KCNMB4: variants seen among roughly 807,000 people sequenced by gnomAD.
KCNMB4 encodes potassium calcium-activated channel subfamily M regulatory beta subunit 4, also known as calcium-activated potassium channel subunit beta-4.
In KCNMB4, 3 loss-of-function variants were observed where a neutral mutation model predicts 20.7. The observed-to-expected ratio is 0.14, with a 90% CI of 0.07 to 0.37. The LOEUF is 0.37. Among genes scored for constraint, KCNMB4 ranks in the 10% least tolerant of loss-of-function variants. The pLI is 1.00. For synonymous variants in KCNMB4, 110 were observed against 113.4 expected, an observed-to-expected ratio of 0.97 and a Z score of 0.19; for missense variants, 168 against 265.9, an observed-to-expected ratio of 0.63 and a Z score of 2.56.
chr12:70,430,545 C>G lies in KCNMB4; in HGVS notation c.525C>G (p.Leu175=). Residue 175 remains leucine, a synonymous_variant, in exon 3 of 3, where the codon CTC becomes CTG. Coordinates refer to ENST00000258111, the MANE Select transcript of KCNMB4 (RefSeq NM_014505.6). ...AGATTGTCCTCCTGCATTGCTTCCT[C>G]TGGCCCCTGGTGACATTTGTGGTGG... is the stretch of plus-strand genomic sequence containing the variant. ...HDEIVLLHCF[L]WPLVTFVVGV... 6.2e-7 allele frequency: 1 copy of G among 1,613,972 alleles called. No homozygotes were observed.
At chr12:70,397,066 T>C (rs1159826485) in intron 1 of KCNMB4, among the ~76,000 whole-genome samples, 2 of 152,206 alleles carry the variant, frequency 1.3e-5, no homozygotes, top group Non-Finnish European at 2.9e-5. Flanking sequence ...CCTTAAAATG[T>C]AGCTTTTCAG....
chr12:70,415,555 G>T (rs1377669885), intron 2 of KCNMB4, among the ~76,000 whole-genome samples: 1 of 152,190 alleles, frequency 6.6e-6, no homozygotes. Flanking sequence ...TTTTTAAAGT[G>T]CGTTGTTGGT....
In KCNMB4 at chr12:70,422,397, A is replaced by G. The variant is rs540395137; in HGVS notation, c.465-8088A>G. Among the ~76,000 whole-genome samples the G allele has an allele frequency of 2.0e-5, 3 of 152,340 alleles. No homozygotes were observed. In the South Asian group the frequency reaches 6.2e-4, roughly 32 times the overall value. ...AAATCCTGCACTTCTGATGAAATCA[A>G]TGAATTGAAAGTCCTCCTCTCTGGT... is the stretch of plus-strand genomic sequence containing the variant. On this transcript the variant is annotated intron_variant, in intron 2 of 2. Coordinates refer to ENST00000258111, the MANE Select transcript of KCNMB4 (RefSeq NM_014505.6).
chr12:70,430,657 G>C lies in KCNMB4; in HGVS notation c.*4G>C, dbSNP rs1002469382. 3.1e-6 allele frequency: 5 copies of C among 1,603,216 alleles called. No individual in the cohort carries two copies. Among genetic ancestry groups the C allele is most frequent in the Non-Finnish European group, 4.2e-6 (5 of 1,177,044 alleles). On this transcript the variant is annotated 3_prime_UTR_variant, in exon 3 of 3. Coordinates refer to ENST00000258111, the MANE Select transcript of KCNMB4 (RefSeq NM_014505.6). ...GAAGAAGCGCAAGTTCTCTTAAAGG[G>C]GAAGGAGGCTTGTAGAAAGCAAAGT...
In KCNMB4 at chr12:70,391,421, A is replaced by G. The variant is rs371663559; in HGVS notation, c.337-8788A>G. 6.6e-4 allele frequency among the ~76,000 whole-genome samples: 101 copies of G among 151,978 alleles called. 1 individual carries two copies. The highest frequency in any genetic ancestry group is 2.4e-3 in the African/African-American group (98 of 41,454). ...GGGCTCAAGCTATCCTCACCTCTCA[A>G]TCTCCTGACTAACTATGACTAAAGA... On this transcript the variant is annotated intron_variant, in intron 1 of 2. Coordinates refer to ENST00000258111, the MANE Select transcript of KCNMB4 (RefSeq NM_014505.6).
At chr12:70,415,058 C>T (rs752273482) in intron 2 of KCNMB4, among the ~76,000 whole-genome samples, 5 of 152,148 alleles carry the variant, frequency 3.3e-5, no homozygotes, top group Non-Finnish European at 5.9e-5. Context: ...TCATAATAGC[C>T]GATACCTGTT....
intron 2 of KCNMB4, among the ~76,000 whole-genome samples, chr12:70,404,613 G>A (rs1593338374): frequency 6.6e-6 from 1 of 152,174 alleles, no homozygotes; most frequent in South Asian, 2.1e-4. Flanking sequence ...GGGCATAAAC[G>A]AGAATAGTGG....
chr12:70,378,199 G>T (rs1292158601), intron 1 of KCNMB4, among the ~76,000 whole-genome samples: 2 of 151,732 alleles, frequency 1.3e-5, no homozygotes, highest in African/African-American at 2.4e-5. Flanking sequence ...CAAATGATCT[G>T]CCTGCCTTGG....
At chr12:70,410,939 G>A (rs1035205396) in intron 2 of KCNMB4, among the ~76,000 whole-genome samples, 8 of 152,164 alleles carry the variant, frequency 5.3e-5, no homozygotes, top group Admixed American at 1.3e-4. Context: ...TTTACCCTTA[G>A]CATTTTAAAG....
intron 1 of KCNMB4, among the ~76,000 whole-genome samples, chr12:70,381,116 G>A (rs887365674): frequency 6.6e-6 from 1 of 151,346 alleles, no homozygotes; most frequent in Non-Finnish European, 1.5e-5. Flanking sequence ...TCCAAAGAAG[G>A]TATCCAAATG....
At chr12:70,408,378 A>G (rs189577244) in intron 2 of KCNMB4, among the ~76,000 whole-genome samples, 27 of 152,354 alleles carry the variant, frequency 1.8e-4, no homozygotes, top group Admixed American at 3.3e-4. Flanking sequence ...GATGAACTTT[A>G]TATTTAAAGA....
intron 1 of KCNMB4, among the ~76,000 whole-genome samples, chr12:70,393,778 T>G (rs1284511737): frequency 1.3e-5 from 2 of 152,132 alleles, no homozygotes; most frequent in African/African-American, 4.8e-5. Flanking sequence ...AATTCTTCAG[T>G]GAATAGTAGG....
intron 2 of KCNMB4, among the ~76,000 whole-genome samples, chr12:70,403,779 C>T (rs1229016561): frequency 6.6e-6 from 1 of 152,180 alleles, no homozygotes; most frequent in Non-Finnish European, 1.5e-5. Context: ...CACTTTTCAC[C>T]CATTACTGGA....
intron 2 of KCNMB4, among the ~76,000 whole-genome samples, chr12:70,406,250 A>G (rs1449844930): frequency 1.3e-5 from 2 of 152,184 alleles, no homozygotes; most frequent in African/African-American, 4.8e-5. Flanking sequence ...ACTATCACCA[A>G]CAGTAATGTA....
chr12:70,370,881 G>T (rs947128437), intron 1 of KCNMB4, among the ~76,000 whole-genome samples: 4 of 151,426 alleles, frequency 2.6e-5, no homozygotes, highest in African/African-American at 4.9e-5. Flanking sequence ...ATTTATTTTT[G>T]AGTCTCATTC....
At chr12:70,371,476 A>G (rs976858753) in intron 1 of KCNMB4, among the ~76,000 whole-genome samples, 2 of 152,200 alleles carry the variant, frequency 1.3e-5, no homozygotes, top group African/African-American at 4.8e-5. Flanking sequence ...TTCCTGGAAC[A>G]TTCAGTTTGA....
intron 2 of KCNMB4, among the ~76,000 whole-genome samples, chr12:70,413,955 T>TG (rs1412612298): frequency 6.6e-6 from 1 of 152,128 alleles, no homozygotes; most frequent in Non-Finnish European, 1.5e-5. Context: ...AGTTTTGGGC[T>TG]GGGTGCGGTG....
At chr12:70,419,350 A>G (rs1868991442) in intron 2 of KCNMB4, among the ~76,000 whole-genome samples, 1 of 152,200 alleles carries the variant, frequency 6.6e-6, no homozygotes, top group Non-Finnish European at 1.5e-5. Flanking sequence ...ATAATACAGT[A>G]TTGCTCTTCA....
chr12:70,421,220 G>A (rs1869044107), intron 2 of KCNMB4, among the ~76,000 whole-genome samples: 1 of 151,944 alleles, frequency 6.6e-6, no homozygotes, highest in African/African-American at 2.4e-5. Context: ...AGCTGAGTAT[G>A]GTCGCTCATA....
Sources: gnomAD v4.1 joint callset for allele counts (sites outside exome capture counted in the v4.1 genomes callset) on GRCh38, gnomAD v4.1.1 for gene constraint, MANE v1.5 for transcripts, NCBI Gene and HGNC (gene_info 2026-07-23, HGNC 2026-07-21) for gene names.